The following MACROD2 variants were observed in gnomAD, a reference collection of about 807,000 sequenced individuals.
MACROD2 encodes the protein ADP-ribose glycohydrolase MACROD2.
A neutral mutation model predicts 70.4 loss-of-function variants in MACROD2; 36 were observed. The ratio of observed to expected loss-of-function variants is 0.51; its 90% CI spans 0.39 to 0.68. The LOEUF is 0.68. MACROD2 is among the 30% of genes least tolerant of loss of function. The probability of loss-of-function intolerance (pLI) is 0.00; values close to 1 mark genes in which losing one functional copy is unlikely to be tolerated. For missense variants in MACROD2, 496 were observed against 538.4 expected, an observed-to-expected ratio of 0.92 and a Z score of 0.78; for synonymous variants, 172 against 178.8, an observed-to-expected ratio of 0.96 and a Z score of 0.30.
intron 5 of MACROD2, among the ~76,000 whole-genome samples, chr20:14,914,910 T>A (rs540108352): frequency 1.8e-4 from 27 of 152,280 alleles, no homozygotes; most frequent in African/African-American, 5.8e-4. Flanking sequence ...ATTTAACATA[T>A]ACATGCGACA....
intron 5 of MACROD2, among the ~76,000 whole-genome samples, chr20:15,199,650 G>A (rs1045028819): frequency 1.1e-4 from 17 of 152,112 alleles, no homozygotes; most frequent in African/African-American, 3.9e-4. Context: ...TTCTATTGGC[G>A]TACATGAGCT....
chr20:14,739,022 T>TCATA (rs2071701864), intron 5 of MACROD2, among the ~76,000 whole-genome samples: 1 of 152,026 alleles, frequency 6.6e-6, no homozygotes, highest in Non-Finnish European at 1.5e-5. Flanking sequence ...AATCTTTAAA[T>TCATA]CATAATGTTC....
intron 4 of MACROD2, among the ~76,000 whole-genome samples, chr20:14,646,931 G>T (rs1398723834): frequency 6.6e-6 from 1 of 152,032 alleles, no homozygotes; most frequent in Admixed American, 6.6e-5. Flanking sequence ...ATATGTGCGG[G>T]TGTCTGGGGT....
intron 6 of MACROD2, among the ~76,000 whole-genome samples, chr20:15,389,997 T>C (rs919301278): frequency 1.4e-4 from 21 of 152,046 alleles, no homozygotes; most frequent in Admixed American, 1.3e-3. Context: ...GAGAGACTGA[T>C]GGGAAGATAA....
chr20:14,430,862 A>G (rs2083987474), intron 3 of MACROD2, among the ~76,000 whole-genome samples: 1 of 152,150 alleles, frequency 6.6e-6, no homozygotes, highest in Non-Finnish European at 1.5e-5. Flanking sequence ...CCTTGCCCTC[A>G]TTCTTACTGC....
At chr20:14,004,729 G>A (rs890608738) in intron 2 of MACROD2, among the ~76,000 whole-genome samples, 21 of 151,940 alleles carry the variant, frequency 1.4e-4, no homozygotes, top group Admixed American at 1.2e-3. Flanking sequence ...TATTTGAAAC[G>A]TTTTAAGTCA....
intron 3 of MACROD2, among the ~76,000 whole-genome samples, chr20:14,242,429 A>G (rs1003122944): frequency 5.3e-5 from 8 of 152,196 alleles, no homozygotes; most frequent in African/African-American, 1.7e-4. Context: ...ATCTTTCCAC[A>G]TAGAATATTC....
intron 3 of MACROD2, among the ~76,000 whole-genome samples, chr20:14,440,493 G>A (rs1328207638): frequency 1.3e-5 from 2 of 152,122 alleles, no homozygotes; most frequent in African/African-American, 2.4e-5. Context: ...CTGGCTAATA[G>A]TAATTGTTTA....
intron 3 of MACROD2, among the ~76,000 whole-genome samples, chr20:14,089,312 G>T (rs1303662208): frequency 6.6e-6 from 1 of 152,144 alleles, no homozygotes; most frequent in Admixed American, 6.5e-5. Context: ...GGAAGGAGTG[G>T]AACAGCTGTT....
chr20:14,708,755 T>C (rs1051784482), intron 5 of MACROD2, among the ~76,000 whole-genome samples: 2 of 152,006 alleles, frequency 1.3e-5, no homozygotes, highest in Admixed American at 1.3e-4. Context: ...GTAGCTGGGA[T>C]TACAGGTGCC....
chr20:15,054,006 G>C (rs2075463395), intron 5 of MACROD2, among the ~76,000 whole-genome samples: 1 of 152,166 alleles, frequency 6.6e-6, no homozygotes, highest in African/African-American at 2.4e-5. Context: ...AAGAGAACTT[G>C]AATTAGAATT....
At chr20:15,763,387 T>C (rs1247079720) in intron 8 of MACROD2, among the ~76,000 whole-genome samples, 1 of 152,208 alleles carries the variant, frequency 6.6e-6, no homozygotes, top group Non-Finnish European at 1.5e-5. Context: ...CATTTTATGA[T>C]GTAAGACACC....
chr20:14,350,733 C>T (rs1178842314), intron 3 of MACROD2, among the ~76,000 whole-genome samples: 2 of 151,990 alleles, frequency 1.3e-5, no homozygotes, highest in African/African-American at 4.8e-5. Context: ...TGATTGTTTC[C>T]TTTGCTGTGC....
intron 2 of MACROD2, among the ~76,000 whole-genome samples, chr20:14,019,885 C>T (rs1277736614): frequency 6.6e-6 from 1 of 152,130 alleles, no homozygotes; most frequent in Non-Finnish European, 1.5e-5. Context: ...TTTAACTATA[C>T]CTACATCTTA....
intron 3 of MACROD2, among the ~76,000 whole-genome samples, chr20:14,343,582 A>ACT (rs2083036860): frequency 3.3e-5 from 5 of 152,224 alleles, no homozygotes; most frequent in Admixed American, 3.3e-4. Context: ...GTCAAATTGA[A>ACT]CTGTGTGCTT....
intron 5 of MACROD2, among the ~76,000 whole-genome samples, chr20:15,160,640 C>T (rs1601158955): frequency 6.6e-6 from 1 of 152,106 alleles, no homozygotes; most frequent in East Asian, 1.9e-4. Flanking sequence ...CCCATATCCT[C>T]TCCCCACTAT....
chr20:14,720,578 AG>A (rs1292373435), intron 5 of MACROD2, among the ~76,000 whole-genome samples: 1 of 48,362 alleles, frequency 2.1e-5, no homozygotes, highest in East Asian at 6.2e-4. Context: ...TTTGTGAGGC[AG>A]AGTCTCGCTC....
intron 6 of MACROD2, among the ~76,000 whole-genome samples, chr20:15,317,455 G>A (rs2077823313): frequency 1.3e-5 from 2 of 151,436 alleles, no homozygotes; most frequent in Admixed American, 6.6e-5. Flanking sequence ...GAGCTAAGAA[G>A]ATATCTATAT....
intron 6 of MACROD2, among the ~76,000 whole-genome samples, chr20:15,289,138 A>G (rs11907508): frequency 8.3e-4 from 126 of 152,312 alleles, no homozygotes; most frequent in African/African-American, 3.0e-3. Flanking sequence ...TCTTAAAAGA[A>G]TTAATATGAA....
Sources: gnomAD v4.1 joint callset for allele counts (sites outside exome capture counted in the v4.1 genomes callset) on GRCh38, gnomAD v4.1.1 for gene constraint, MANE v1.5 for transcripts, NCBI Gene and HGNC (gene_info 2026-07-23, HGNC 2026-07-21) for gene names.